The following NFYC variants were observed in gnomAD, a reference collection of about 807,000 sequenced individuals.
The protein encoded by NFYC is nuclear transcription factor Y subunit gamma.
NFYC carries 25 observed loss-of-function variants against 53.1 expected under a neutral mutation model. The ratio of observed to expected loss-of-function variants is 0.47; its 90% CI spans 0.34 to 0.66. NFYC has a LOEUF of 0.66. NFYC is among the 30% of genes least tolerant of loss of function. The probability of loss-of-function intolerance (pLI) is 0.01; values close to 1 mark genes in which losing one functional copy is unlikely to be tolerated. For missense variants in NFYC, 260 were observed against 422.7 expected (o/e 0.62, Z 3.38); for synonymous variants, 145 against 152.6 (o/e 0.95, Z 0.37).
At chr1:40,739,121 T>C (rs1645206932) in intron 2 of NFYC, among the ~76,000 whole-genome samples, 173 bp downstream of exon 2, 1 of 152,192 alleles carries the variant, frequency 6.6e-6, no homozygotes, top group Non-Finnish European at 1.5e-5. Flanking sequence ...TTCCGTGAGG[T>C]AACTGCAAGA....
intron 1 of NFYC, among the ~76,000 whole-genome samples, chr1:40,719,388 A>G (rs899048593): frequency 4.6e-5 from 7 of 152,242 alleles, no homozygotes; most frequent in African/African-American, 9.6e-5. Context: ...GTGGGCAGCT[A>G]TGAAAACATC....
At chr1:40,728,070 A>G (rs1416991652) in intron 1 of NFYC, among the ~76,000 whole-genome samples, 1 of 151,740 alleles carries the variant, frequency 6.6e-6, no homozygotes, top group South Asian at 2.1e-4. Context: ...TGCACCAACA[A>G]GCCCTGCTAA....
chr1:40,729,874 T>C (rs1644686552), intron 1 of NFYC, among the ~76,000 whole-genome samples: 1 of 152,020 alleles, frequency 6.6e-6, no homozygotes, highest in Non-Finnish European at 1.5e-5. Flanking sequence ...AGGGGTTTCA[T>C]CATGTTGGTC....
At chr1:40,739,635 A>G (rs1317041141) in intron 2 of NFYC, among the ~76,000 whole-genome samples, 6 of 152,230 alleles carry the variant, frequency 3.9e-5, no homozygotes, top group African/African-American at 1.2e-4. Flanking sequence ...GAATAATTAA[A>G]TATAACCTCG....
chr1:40,744,180 A>G (rs1645492316), intron 2 of NFYC, among the ~76,000 whole-genome samples: 1 of 152,186 alleles, frequency 6.6e-6, no homozygotes, highest in East Asian at 1.9e-4. Flanking sequence ...TGTGAACCCT[A>G]TCATGAACTG....
Position 40,731,986 on chromosome 1 carries a change from G to A in NFYC, c.-8-6850G>A, listed in dbSNP as rs77099693. 4.7e-4 allele frequency among the ~76,000 whole-genome samples: 71 copies of A among 152,290 alleles called. No individual in the cohort carries two copies. The East Asian group carries it at 0.011, about 24-fold the overall frequency. On this transcript the variant is annotated intron_variant, in intron 1 of 9. Transcript: ENST00000447388. ...TTGTTATATGTTTGGCTTAAGTTGC[G>A]GTTTCCAAGAGCCTATCGAAGACAT...
intron 1 of NFYC, among the ~76,000 whole-genome samples, chr1:40,707,731 C>T (rs1039153198): frequency 2.7e-5 from 4 of 150,682 alleles, no homozygotes; most frequent in African/African-American, 9.8e-5. Flanking sequence ...CCTAGCTACT[C>T]AGGAGGCTAA....
intron 1 of NFYC, among the ~76,000 whole-genome samples, chr1:40,701,519 G>T (rs542809569): frequency 6.3e-4 from 96 of 152,300 alleles, no homozygotes; most frequent in African/African-American, 2.2e-3. Context: ...GTCTATCTTG[G>T]TTTTTATTCT....
chr1:40,694,103 C>G (rs1425495124), intron 1 of NFYC, among the ~76,000 whole-genome samples: 1 of 152,208 alleles, frequency 6.6e-6, no homozygotes, highest in Non-Finnish European at 1.5e-5. Context: ...GATAGTCTTT[C>G]TGTATGTGGA....
chr1:40,761,383 G>T (rs2148762289), intron 6 of NFYC, among the ~76,000 whole-genome samples: 1 of 152,294 alleles, frequency 6.6e-6, no homozygotes, highest in East Asian at 1.9e-4. Context: ...CGTAGTGATG[G>T]CTATTTCAAG....
At chr1:40,716,354 G>A (rs1644135385) in intron 1 of NFYC, among the ~76,000 whole-genome samples, 1 of 152,170 alleles carries the variant, frequency 6.6e-6, no homozygotes, top group African/African-American at 2.4e-5. Flanking sequence ...GACATTGGGA[G>A]CAACAAGCAA....
At chr1:40,703,898 A>G (rs1643566427) in intron 1 of NFYC, among the ~76,000 whole-genome samples, 1 of 152,202 alleles carries the variant, frequency 6.6e-6, no homozygotes, top group African/African-American at 2.4e-5. Flanking sequence ...CATTTTACAC[A>G]GGAGGAAGTG....
intron 1 of NFYC, among the ~76,000 whole-genome samples, chr1:40,707,028 G>GT (rs1400606647): frequency 6.6e-6 from 1 of 151,896 alleles, no homozygotes; most frequent in African/African-American, 2.4e-5. Context: ...AAATTAGTCG[G>GT]ATGTGGTGGT....
intron 1 of NFYC, among the ~76,000 whole-genome samples, chr1:40,726,129 T>TGG (rs1557790443): frequency 6.7e-6 from 1 of 150,092 alleles, no homozygotes; most frequent in African/African-American, 2.4e-5. Context: ...GTGTGTGTTT[T>TGG]TTTTTGAGAT....
intron 2 of NFYC, among the ~76,000 whole-genome samples, chr1:40,739,896 A>T (rs919929959): frequency 6.6e-6 from 1 of 152,174 alleles, no homozygotes; most frequent in Non-Finnish European, 1.5e-5. Flanking sequence ...GCATGCATAA[A>T]GGCATGGAGG....
chr1:40,769,370 G>T lies in NFYC; in HGVS notation c.843G>T (p.Glu281Asp). 1 of 1,614,116 alleles carries T rather than the reference G, an allele frequency of 6.2e-7. No homozygotes were observed. The highest frequency in any genetic ancestry group is 8.5e-7 in the Non-Finnish European group (1 of 1,180,006). ...ATNAQQITQT[E>D]VQQGQQQFSQ... ...GATTCTTACAGATTACACAGACAGA[G>T]GTCCAGCAAGGACAGCAGCAGTTCA... The change falls in exon 9 of 10, where the codon GAG (glutamate) becomes GAT (aspartate). Residue 281 changes from glutamate (E) to aspartate (D), a missense_variant. Glu to Asp is a conservative substitution (Grantham distance 45). Coordinates refer to ENST00000447388, the MANE Select transcript of NFYC (RefSeq NM_014223.5).
intron 2 of NFYC, among the ~76,000 whole-genome samples, chr1:40,740,821 G>A (rs568318067): frequency 1.3e-5 from 2 of 152,172 alleles, no homozygotes; most frequent in South Asian, 2.1e-4. Flanking sequence ...AGTCTGTGCC[G>A]CAGCTTGAGC....
At chr1:40,744,976 C>A (rs1645534617) in intron 2 of NFYC, among the ~76,000 whole-genome samples, 1 of 152,130 alleles carries the variant, frequency 6.6e-6, no homozygotes, top group South Asian at 2.1e-4. Flanking sequence ...CCCTCAAGAT[C>A]CACTTTTACA....
Position 40,707,260 on chromosome 1 carries a change from G to A in NFYC, c.-9+15393G>A, listed in dbSNP as rs146356145. Among the ~76,000 whole-genome samples the A allele has an allele frequency of 8.0e-3, 1,222 of 151,884 alleles. 15 individuals carry two copies. The highest frequency in any genetic ancestry group is 0.028 in the African/African-American group (1,176 of 41,396). On this transcript the variant is annotated intron_variant, in intron 1 of 9. Transcript: ENST00000447388. Reference sequence around the variant, plus strand: ...TGTAATCCCAGCACTTCAGGAGGCCGAGGTAGGTGGATCACTTGAGGTCAG... The same window carrying A: ...TGTAATCCCAGCACTTCAGGAGGCCAAGGTAGGTGGATCACTTGAGGTCAG...
Sources: gnomAD v4.1 joint callset for allele counts (sites outside exome capture counted in the v4.1 genomes callset) on GRCh38, gnomAD v4.1.1 for gene constraint, MANE v1.5 for transcripts, NCBI Gene and HGNC (gene_info 2026-07-23, HGNC 2026-07-21) for gene names.